Variants in WDPCP observed in about 807,000 individuals in gnomAD.
The protein encoded by WDPCP is WD repeat-containing and planar cell polarity effector protein fritz homolog.
Under a neutral mutation model 93.1 loss-of-function variants are expected in WDPCP, and 71 were observed. That is an observed-to-expected ratio of 0.76 (90% CI 0.63 to 0.93). WDPCP has a LOEUF of 0.93. Among genes scored for constraint, WDPCP ranks in the 40% least tolerant of loss-of-function variants. The pLI is 0.00. For synonymous variants in WDPCP, 315 were observed against 315.0 expected (o/e 1.00, Z 0.00); for missense variants, 844 against 887.4 (o/e 0.95, Z 0.62).
At chr2:63,237,145 A>G (rs1398170249) in intron 14 of WDPCP, among the ~76,000 whole-genome samples, 1 of 152,030 alleles carries the variant, frequency 6.6e-6, no homozygotes. Flanking sequence ...AAGAAAAAAA[A>G]AATAACCCCA....
intron 6 of WDPCP, among the ~76,000 whole-genome samples, chr2:63,454,582 C>G (rs1698498151): frequency 1.3e-5 from 2 of 151,510 alleles, no homozygotes; most frequent in African/African-American, 2.4e-5. Flanking sequence ...ATAAAGCAAC[C>G]AAGTACAGGA....
At chr2:63,627,515 C>T (rs1348379363) in intron 3 of WDPCP, among the ~76,000 whole-genome samples, 1 of 152,178 alleles carries the variant, frequency 6.6e-6, no homozygotes, top group East Asian at 1.9e-4. Flanking sequence ...CCAACGTTGC[C>T]TTTTCCAACC....
intron 1 of WDPCP, among the ~76,000 whole-genome samples, chr2:63,513,142 T>C (rs1702341599): frequency 6.6e-6 from 1 of 152,074 alleles, no homozygotes; most frequent in Non-Finnish European, 1.5e-5. Flanking sequence ...CTTACACTTC[T>C]GGGGAAGTTG....
chr2:63,281,196 A>T (rs1490970751), intron 13 of WDPCP, among the ~76,000 whole-genome samples: 1 of 152,234 alleles, frequency 6.6e-6, no homozygotes, highest in African/African-American at 2.4e-5. Context: ...TTCTCAAAAG[A>T]AGATAAACAA....
chr2:63,168,095 G>GT (rs1371475031), intron 15 of WDPCP, among the ~76,000 whole-genome samples: 12 of 129,700 alleles, frequency 9.3e-5, no homozygotes, highest in Non-Finnish European at 1.9e-4. Context: ...CCAGGCAAGA[G>GT]TGAGACCCTG....
chr2:63,599,567 CTT>C, intron 3 of WDPCP: 2 of 227,564 alleles, frequency 8.8e-6, no homozygotes, highest in Non-Finnish European at 1.7e-5. Flanking sequence ...CTAATGTTCT[CTT>C]GTTACAGTGG....
chr2:63,827,421 T>C (rs1170260113), intron 1 of WDPCP, among the ~76,000 whole-genome samples: 3 of 152,174 alleles, frequency 2.0e-5, no homozygotes, highest in Non-Finnish European at 4.4e-5. Context: ...CCTATACATG[T>C]TGATTGCATA....
rs1401717984 is a variant in WDPCP at position 63,481,589 on chromosome 2, C to A, written c.384+3015G>T. Among the ~76,000 whole-genome samples, 4 of 152,138 alleles carry A rather than the reference C, an allele frequency of 2.6e-5. No individual in the cohort carries two copies. In the East Asian group the frequency reaches 7.7e-4, roughly 29 times the overall value. On this transcript the variant is annotated intron_variant, in intron 6 of 17. Coordinates refer to ENST00000272321, the MANE Select transcript of WDPCP (RefSeq NM_015910.7). ...AAAAGCAATGAAATAATGGCATTCA[C>A]AGCAATTTAGATGGAATTGCAGACC...
chr2:63,758,582 G>A (rs552772590), intron 2 of WDPCP, among the ~76,000 whole-genome samples: 141 of 152,190 alleles, frequency 9.3e-4, no homozygotes, highest in Non-Finnish European at 1.5e-3. Flanking sequence ...GGGACTACAG[G>A]CACATGCCAC....
chr2:63,602,934 C>CTTTTTTTTTTT lies in WDPCP; in HGVS notation n.488+47714_488+47724dup, dbSNP rs370479356. On this transcript the variant is annotated intron_variant and non_coding_transcript_variant, in intron 3 of 4. Transcript: ENST00000467687. ...ACATAATACAGTTTATTTAACCGTT[C>CTTTTTTTTTTT]TTTTTTTTTTTTTTTTTTTTTTTTT... 1.5e-3 allele frequency among the ~76,000 whole-genome samples: 197 copies of CTTTTTTTTTTT among 131,526 alleles called. 18 individuals are homozygous for CTTTTTTTTTTT. Among genetic ancestry groups the CTTTTTTTTTTT allele is most frequent in the Non-Finnish European group, 2.6e-3 (154 of 59,542 alleles). 86.3% of individuals were successfully genotyped at this position (131,526 alleles called of 152,430 possible).
At chr2:63,534,524 G>C (rs1704116036) in intron 1 of WDPCP, among the ~76,000 whole-genome samples, 1 of 152,156 alleles carries the variant, frequency 6.6e-6, no homozygotes, top group Admixed American at 6.5e-5. Context: ...AATCAAGTCA[G>C]CTTCATCCCT....
At chr2:63,823,306 G>T (rs1327584542) in intron 1 of WDPCP, among the ~76,000 whole-genome samples, 1 of 151,566 alleles carries the variant, frequency 6.6e-6, no homozygotes, top group African/African-American at 2.4e-5. Context: ...AGGAGTTCAA[G>T]ACCAGCCTGG....
intron 17 of WDPCP, among the ~76,000 whole-genome samples, chr2:63,126,494 TG>T (rs1354749283): frequency 2.6e-5 from 4 of 152,100 alleles, no homozygotes; most frequent in African/African-American, 9.7e-5. Context: ...AAAATTAGAC[TG>T]AGACAGTTTG....
intron 1 of WDPCP, among the ~76,000 whole-genome samples, chr2:63,578,593 C>G (rs903816923): frequency 6.6e-6 from 1 of 151,986 alleles, no homozygotes; most frequent in Non-Finnish European, 1.5e-5. Flanking sequence ...GTAAGTAAAA[C>G]GGGAAACTTA....
intron 2 of WDPCP, among the ~76,000 whole-genome samples, chr2:63,746,326 C>A (rs541724706): frequency 6.6e-6 from 1 of 152,168 alleles, no homozygotes; most frequent in Admixed American, 6.5e-5. Context: ...TGTATGTGGC[C>A]TCAGGACCCT....
chr2:63,749,182 G>C (rs1242307520), intron 2 of WDPCP, among the ~76,000 whole-genome samples: 3 of 152,036 alleles, frequency 2.0e-5, no homozygotes, highest in Non-Finnish European at 4.4e-5. Context: ...TTTAAAGTAA[G>C]GGATGAGCTA....
At chr2:63,738,938 C>T (rs1364737621) in intron 2 of WDPCP, among the ~76,000 whole-genome samples, 5 of 152,118 alleles carry the variant, frequency 3.3e-5, no homozygotes, top group Admixed American at 3.3e-4. Context: ...CATAGATTAG[C>T]TTTGCCTATT....
chr2:63,625,893 A>G (rs1031073760), intron 3 of WDPCP, among the ~76,000 whole-genome samples: 3 of 152,322 alleles, frequency 2.0e-5, no homozygotes, highest in Non-Finnish European at 2.9e-5. Flanking sequence ...AATCCTAAGC[A>G]AAAATAACAA....
At position 63,372,129 on chromosome 2, in the gene WDPCP, C is replaced by T. The variant is rs115739909; in HGVS notation, c.1748+6257G>A. On this transcript the variant is annotated intron_variant, in intron 12 of 17. Transcript: ENST00000272321. ...AGGCAAAGGGGGAGCCAGCATCTCA[C>T]ATGGCAAGAACTGGAGCAAGAGGAG... 5.2e-3 allele frequency among the ~76,000 whole-genome samples: 785 copies of T among 152,284 alleles called. 2 individuals carry two copies. The highest frequency in any genetic ancestry group is 9.1e-3 in the Non-Finnish European group (622 of 68,020).
Sources: gnomAD v4.1 joint callset for allele counts (sites outside exome capture counted in the v4.1 genomes callset) on GRCh38, gnomAD v4.1.1 for gene constraint, MANE v1.5 for transcripts, NCBI Gene and HGNC (gene_info 2026-07-23, HGNC 2026-07-21) for gene names.